Variants in ACSM2A observed in about 807,000 individuals in gnomAD.
ACSM2A encodes acyl-CoA synthetase medium chain family member 2A.
A neutral mutation model predicts 76.6 loss-of-function variants in ACSM2A; 72 were observed. The observed-to-expected ratio is 0.94, with a 90% CI of 0.78 to 1.14. The LOEUF (loss-of-function observed/expected upper bound fraction) is 1.14. ACSM2A is among the 50% of genes most tolerant of loss of function. The probability of loss-of-function intolerance (pLI) is 0.00; values close to 1 mark genes in which losing one functional copy is unlikely to be tolerated. For missense variants in ACSM2A, 684 were observed against 708.5 expected (o/e 0.97, Z 0.39); for synonymous variants, 249 against 255.9 (o/e 0.97, Z 0.26).
chr16:20,486,704 T>C lies in ACSM2A; in HGVS notation c.*26T>C, dbSNP rs756044376. On this transcript the variant is annotated 3_prime_UTR_variant, in exon 14 of 14. Transcript: ENST00000573854. The stretch of plus-strand genomic sequence containing the variant: ...GACATCTAAGAGACATTCATTTGGA[T>C]TCCCCTCTTCTTTCTCTTTCTTTTC... The C allele has an allele frequency of 4.7e-5, 75 of 1,611,840 alleles. No individual in the cohort carries two copies. The highest frequency in any genetic ancestry group is 6.3e-5 in the Non-Finnish European group (74 of 1,178,170).
intron 13 of ACSM2A, among the ~76,000 whole-genome samples, chr16:20,483,853 G>T (rs1159129423): frequency 6.6e-6 from 1 of 152,124 alleles, no homozygotes; most frequent in Non-Finnish European, 1.5e-5. Flanking sequence ...AAGTCCAGGG[G>T]TGGGGAAAGC....
chr16:20,480,958 T>G, intron 12 of ACSM2A, 37 bp downstream of exon 12: 1 of 1,612,564 alleles, frequency 6.2e-7, no homozygotes. Context: ...TGAACACATA[T>G]GAACACAAGG....
intron 8 of ACSM2A, chr16:20,476,571 C>T (rs1328762756): frequency 1.0e-6 from 1 of 985,298 alleles, no homozygotes; most frequent in Admixed American, 6.2e-5. Context: ...AGGGGCCTCC[C>T]ACCATTCAGA....
Position 20,458,892 on chromosome 16 carries a change from T to TTA in ACSM2A, c.-8-1205_-8-1204dup, listed in dbSNP as rs201331530. On this transcript the variant is annotated intron_variant, in intron 1 of 13. Transcript: ENST00000573854. ...CTATATAATACATACATAGTATATA[T>TTA]TATATATATATGCATATATATATAT... 2.7e-3 allele frequency among the ~76,000 whole-genome samples: 305 copies of TTA among 111,100 alleles called. 5 individuals are homozygous for TTA. The highest frequency in any genetic ancestry group is 0.01 in the African/African-American group (285 of 28,342). 72.9% of individuals were successfully genotyped at this position (111,100 alleles called of 152,430 possible).
At chr16:20,462,147 T>C (rs558178148) in intron 2 of ACSM2A, among the ~76,000 whole-genome samples, 3 of 152,298 alleles carry the variant, frequency 2.0e-5, no homozygotes, top group Admixed American at 6.5e-5. Flanking sequence ...ATAGTGATGT[T>C]AACTACAGGA....
At chr16:20,485,778 C>T (rs2014351380) in intron 13 of ACSM2A, among the ~76,000 whole-genome samples, 1 of 152,102 alleles carries the variant, frequency 6.6e-6, no homozygotes, top group African/African-American at 2.4e-5. Flanking sequence ...CTCAGTATCC[C>T]TATTATTAAA....
rs1447005013 is a variant in ACSM2A at position 20,473,920 on chromosome 16, T to C, written c.895-1442T>C. The C allele has an allele frequency of 3.0e-5, 11 of 370,746 alleles. No homozygotes were observed. The East Asian group carries it at 8.9e-4, about 30-fold the overall frequency. 23.0% of individuals were successfully genotyped at this position (370,746 alleles called of 1,614,324 possible). A position where few individuals can be genotyped will look rare whatever the true frequency, so the allele number is the denominator to read the frequency against. On this transcript the variant is annotated intron_variant, in intron 6 of 13. Transcript: ENST00000573854. ...ATAAGAACTTGGGTCTCCACAATTATTTATCTTAACTAAGGCATTCCTTTC... is the reference window on the plus strand; with the variant it reads ...ATAAGAACTTGGGTCTCCACAATTACTTATCTTAACTAAGGCATTCCTTTC...
At chr16:20,480,163 C>G (rs573958541) in intron 10 of ACSM2A, among the ~76,000 whole-genome samples, 21 of 152,310 alleles carry the variant, frequency 1.4e-4, no homozygotes, top group African/African-American at 4.8e-4. Context: ...TGGCTAATGT[C>G]TCTAGAACTT....
chr16:20,458,472 G>T (rs187439978), intron 1 of ACSM2A, among the ~76,000 whole-genome samples: 6 of 143,842 alleles, frequency 4.2e-5, no homozygotes, highest in East Asian at 2.0e-4. Flanking sequence ...TATGGATATA[G>T]TATATGTATT....
chr16:20,486,680 A>C lies in ACSM2A; in HGVS notation c.*2A>C. ...TCCGGAAAAGCCCGTGCGCAGTGAGACATCTAAGAGACATTCATTTGGATT... is the reference window on the plus strand; with the variant it reads ...TCCGGAAAAGCCCGTGCGCAGTGAGCCATCTAAGAGACATTCATTTGGATT... On this transcript the variant is annotated 3_prime_UTR_variant, in exon 14 of 14. Transcript: ENST00000573854. The C allele has an allele frequency of 6.2e-7, 1 of 1,614,050 alleles. No homozygotes were observed. Among genetic ancestry groups the C allele is most frequent in the Non-Finnish European group, 8.5e-7 (1 of 1,179,906 alleles).
At chr16:20,464,936 T>C (rs2012884655) in intron 2 of ACSM2A, among the ~76,000 whole-genome samples, 1 of 151,702 alleles carries the variant, frequency 6.6e-6, no homozygotes, top group Non-Finnish European at 1.5e-5. Context: ...AAATTGGAAA[T>C]GTTATGTGTA....
intron 6 of ACSM2A, among the ~76,000 whole-genome samples, chr16:20,472,675 C>G (rs1257291851): frequency 1.3e-5 from 2 of 151,710 alleles, no homozygotes; most frequent in Non-Finnish European, 2.9e-5. Flanking sequence ...TCATTTGATA[C>G]CTATCACCAT....
At chr16:20,470,691 T>C (rs2013333752) in intron 4 of ACSM2A, 4 of 418,348 alleles carry the variant, frequency 9.6e-6, no homozygotes, top group South Asian at 7.2e-5. Context: ...TCCTGTCCAC[T>C]TGGTGTCATG....
At chr16:20,476,173 T>C in intron 8 of ACSM2A, 1 of 1,036,358 alleles carries the variant, frequency 9.6e-7, no homozygotes, top group East Asian at 8.5e-5. Flanking sequence ...TCAAGCACTG[T>C]ACAAAGCTAC....
intron 3 of ACSM2A, among the ~76,000 whole-genome samples, chr16:20,469,106 C>A (rs1403147149): frequency 6.6e-6 from 1 of 152,146 alleles, no homozygotes; most frequent in Non-Finnish European, 1.5e-5. Flanking sequence ...GGACCTAGAG[C>A]TATTGGTGTT....
At chr16:20,479,775 C>G (rs915442200) in intron 10 of ACSM2A, among the ~76,000 whole-genome samples, 1 of 152,202 alleles carries the variant, frequency 6.6e-6, no homozygotes, top group South Asian at 2.1e-4. Flanking sequence ...GTGGGGCAGA[C>G]TCCTAAGGCC....
At chr16:20,477,200 T>C in intron 8 of ACSM2A, 169 bp from the exon 9 acceptor site, 1 of 1,256,340 alleles carries the variant, frequency 8.0e-7, no homozygotes, top group Non-Finnish European at 1.1e-6. Flanking sequence ...GCCCCTAGGA[T>C]TGTGGTTCCA....
At chr16:20,468,887 C>A (rs1252461170) in intron 3 of ACSM2A, among the ~76,000 whole-genome samples, 1 of 152,138 alleles carries the variant, frequency 6.6e-6, no homozygotes, top group East Asian at 1.9e-4. Flanking sequence ...CTAATGTTCT[C>A]ATCACAAAAA....
chr16:20,477,258 T>G (rs2013800381), intron 8 of ACSM2A, 111 bp from the exon 9 acceptor site: 3 of 1,437,604 alleles, frequency 2.1e-6, no homozygotes, highest in Admixed American at 4.8e-5. Flanking sequence ...AGCCACCAAG[T>G]GCAGGCCAAG....
Sources: allele counts gnomAD v4.1 joint callset (sites outside exome capture counted in the v4.1 genomes callset), GRCh38; gene constraint gnomAD v4.1.1; transcripts MANE v1.5; gene names NCBI Gene and HGNC (gene_info 2026-07-23, HGNC 2026-07-21).